Variants in WIPF1 observed in about 807,000 individuals in gnomAD.
The protein encoded by WIPF1 is WAS/WASL-interacting protein family member 1.
WIPF1 carries 13 observed loss-of-function variants against 35.4 expected under a neutral mutation model. The ratio of observed to expected loss-of-function variants is 0.37; its 90% CI spans 0.24 to 0.58. The LOEUF (loss-of-function observed/expected upper bound fraction) is 0.58. Among genes scored for constraint, WIPF1 ranks in the 20% least tolerant of loss-of-function variants. WIPF1 has a pLI of 0.74. For missense variants in WIPF1, 591 were observed against 667.0 expected (o/e 0.89, Z 1.25); for synonymous variants, 267 against 266.3 (o/e 1.00, Z -0.02).
chr2:174,668,465 C>T (rs1286378441), intron 1 of WIPF1, among the ~76,000 whole-genome samples: 2 of 152,136 alleles, frequency 1.3e-5, no homozygotes, highest in South Asian at 2.1e-4. Context: ...ACCAGCTGAA[C>T]GTAACTTACT....
At chr2:174,586,785 A>C (rs1685438329) in intron 1 of WIPF1, among the ~76,000 whole-genome samples, 1 of 152,214 alleles carries the variant, frequency 6.6e-6, no homozygotes, top group African/African-American at 2.4e-5. Context: ...CACCACCCAG[A>C]AGCTGTTAGA....
intron 1 of WIPF1, among the ~76,000 whole-genome samples, chr2:174,658,759 A>G (rs1687697331): frequency 6.6e-6 from 1 of 151,898 alleles, no homozygotes; most frequent in African/African-American, 2.4e-5. Context: ...GGAGCCCCCC[A>G]CAGAAGGCAG....
intron 1 of WIPF1, among the ~76,000 whole-genome samples, chr2:174,623,173 G>A (rs1328184781): frequency 6.6e-6 from 1 of 151,934 alleles, no homozygotes; most frequent in African/African-American, 2.4e-5. Context: ...TGAAATTGTA[G>A]TGTGTATTAG....
At chr2:174,603,708 G>A (rs983125278) in intron 1 of WIPF1, among the ~76,000 whole-genome samples, 2 of 152,034 alleles carry the variant, frequency 1.3e-5, no homozygotes, top group Non-Finnish European at 2.9e-5. Flanking sequence ...CCTTTTTTTG[G>A]CTGTGATCTG....
At chr2:174,596,919 C>G (rs969032270) in intron 1 of WIPF1, among the ~76,000 whole-genome samples, 14 of 152,080 alleles carry the variant, frequency 9.2e-5, no homozygotes, top group African/African-American at 3.4e-4. Context: ...CTCTATAAGC[C>G]TCTGAGTAGA....
chr2:174,594,096 C>A (rs1685720246), intron 1 of WIPF1, among the ~76,000 whole-genome samples: 1 of 151,888 alleles, frequency 6.6e-6, no homozygotes, highest in South Asian at 2.1e-4. Flanking sequence ...AAATGTACTG[C>A]TCTTTTCTCA....
At chr2:174,631,614 T>G (rs1687024812) in intron 1 of WIPF1, among the ~76,000 whole-genome samples, 1 of 152,204 alleles carries the variant, frequency 6.6e-6, no homozygotes, top group Non-Finnish European at 1.5e-5. Context: ...GTGTCCTTTA[T>G]CACAATTAAA....
At chr2:174,608,277 C>A (rs1428788268) in intron 1 of WIPF1, among the ~76,000 whole-genome samples, 1 of 152,162 alleles carries the variant, frequency 6.6e-6, no homozygotes, top group African/African-American at 2.4e-5. Flanking sequence ...GTACTCATAT[C>A]CAACAAATCT....
At chr2:174,672,833 G>A (rs921179178) in intron 1 of WIPF1, among the ~76,000 whole-genome samples, 1 of 152,222 alleles carries the variant, frequency 6.6e-6, no homozygotes, top group Admixed American at 6.5e-5. Context: ...ACTACAACTG[G>A]TGAACTCCTC....
At chr2:174,671,717 C>T (rs970985843) in intron 1 of WIPF1, among the ~76,000 whole-genome samples, 1 of 152,132 alleles carries the variant, frequency 6.6e-6, no homozygotes, top group Non-Finnish European at 1.5e-5. Flanking sequence ...AAAATAAGCC[C>T]CGGTCTCCCG....
intron 3 of WIPF1, among the ~76,000 whole-genome samples, chr2:174,580,594 A>T (rs1685204204): frequency 6.6e-6 from 1 of 152,222 alleles, no homozygotes; most frequent in African/African-American, 2.4e-5. Flanking sequence ...AGGCAAAGGA[A>T]GGGTCTAGGA....
intron 1 of WIPF1, among the ~76,000 whole-genome samples, chr2:174,614,795 G>A (rs901788574): frequency 1.3e-5 from 2 of 152,194 alleles, no homozygotes; most frequent in African/African-American, 4.8e-5. Context: ...AACACCTTGT[G>A]GAGGTACATC....
At chr2:174,653,415 T>C (rs534842205) in intron 1 of WIPF1, among the ~76,000 whole-genome samples, 18 of 152,226 alleles carry the variant, frequency 1.2e-4, no homozygotes, top group African/African-American at 4.1e-4. Context: ...CTAGGAATCC[T>C]GTCCTGGAAG....
intron 1 of WIPF1, among the ~76,000 whole-genome samples, chr2:174,624,952 A>C (rs1221538982): frequency 2.0e-5 from 3 of 152,158 alleles, no homozygotes; most frequent in African/African-American, 7.2e-5. Flanking sequence ...GACAACTGGC[A>C]CTATGGGGAC....
At chr2:174,575,455 A>AG (rs1434033024) in intron 3 of WIPF1, 75 bp from the exon 4 acceptor site, 25 of 1,478,962 alleles carry the variant, frequency 1.7e-5, no homozygotes, top group Non-Finnish European at 2.2e-5. Flanking sequence ...ACAGTACAAC[A>AG]GGGAGCTGGC....
upstream of WIPF1, among the ~76,000 whole-genome samples, chr2:174,601,062 C>T (rs1685989865): frequency 6.6e-6 from 1 of 151,562 alleles, no homozygotes; most frequent in African/African-American, 2.4e-5. Flanking sequence ...GCTGGGACTA[C>T]AGTCGTGCAC....
In WIPF1 at chr2:174,560,212, C is replaced by T. The variant is rs1392480516; in HGVS notation, c.*2335G>A. The T allele has an allele frequency of 1.3e-5, 2 of 152,548 alleles. No individual in the cohort carries two copies. Among genetic ancestry groups the T allele is most frequent in the Non-Finnish European group, 2.9e-5 (2 of 67,992 alleles). 9.4% of individuals were successfully genotyped at this position (152,548 alleles called of 1,614,324 possible). On this transcript the variant is annotated 3_prime_UTR_variant, in exon 8 of 8. Transcript: ENST00000679041. Reference sequence around the variant, plus strand: ...CATAGTTTTAGATGCAATTAGGTTGCAAACTTTCAAAGAAAGGGTGTAGGT... The same window carrying T: ...CATAGTTTTAGATGCAATTAGGTTGTAAACTTTCAAAGAAAGGGTGTAGGT...
chr2:174,631,993 C>T (rs542019828), intron 1 of WIPF1, among the ~76,000 whole-genome samples: 1 of 152,284 alleles, frequency 6.6e-6, no homozygotes, highest in South Asian at 2.1e-4. Flanking sequence ...AGCCTCATTC[C>T]TCTTCTATTT....
rs771280063 is a variant in WIPF1, at chr2:174,562,174, G to A, written c.*373C>T. On this transcript the variant is annotated 3_prime_UTR_variant, in exon 8 of 8. Coordinates refer to ENST00000679041, the MANE Select transcript of WIPF1 (RefSeq NM_001375834.1). ...GAGGCCAAGCATGCGAAAAAGGAAC[G>A]GGAGAAAACAGCTCTCAGGGACTTT... is the stretch of plus-strand genomic sequence containing the variant. The A allele has an allele frequency of 8.9e-5, 138 of 1,550,324 alleles. No individual in the cohort carries two copies. The highest frequency in any genetic ancestry group is 9.8e-5 in the Non-Finnish European group (112 of 1,146,982).
Sources: gnomAD v4.1 joint callset for allele counts (sites outside exome capture counted in the v4.1 genomes callset) on GRCh38, gnomAD v4.1.1 for gene constraint, MANE v1.5 for transcripts, NCBI Gene and HGNC (gene_info 2026-07-23, HGNC 2026-07-21) for gene names.